VPS13B: variants seen among roughly 807,000 people sequenced by gnomAD.
VPS13B encodes intermembrane lipid transfer protein VPS13B.
A neutral mutation model predicts 426.4 loss-of-function variants in VPS13B; 285 were observed. That is an observed-to-expected ratio of 0.67 (90% CI 0.61 to 0.74). The LOEUF (loss-of-function observed/expected upper bound fraction) is 0.74. VPS13B is among the 30% of genes least tolerant of loss of function. VPS13B has a pLI of 0.00. For missense variants in VPS13B, 4,537 were observed against 4,782.6 expected, an observed-to-expected ratio of 0.95 and a Z score of 1.51; for synonymous variants, 1,676 against 1,676.4, an observed-to-expected ratio of 1.00 and a Z score of 0.01.
chr8:99,380,890 T>A (rs3134175), intron 19 of VPS13B, among the ~76,000 whole-genome samples: 36,417 of 146,174 alleles, frequency 0.25, 4,703 homozygotes, highest in East Asian at 0.39. Context: ...TTTTTTTTTT[T>A]AAAAAAAAAA....
At chr8:99,489,831 C>G (rs1820505499) in intron 25 of VPS13B, among the ~76,000 whole-genome samples, 1 of 152,170 alleles carries the variant, frequency 6.6e-6, no homozygotes, top group Non-Finnish European at 1.5e-5. Context: ...TCTAAATATA[C>G]AGTCATGTCA....
chr8:99,103,474 C>T (rs575685557), intron 5 of VPS13B, among the ~76,000 whole-genome samples: 1 of 144,648 alleles, frequency 6.9e-6, no homozygotes, highest in African/African-American at 2.6e-5. Flanking sequence ...AGACTACAGG[C>T]ACATGCTGCT....
At chr8:99,699,378 G>A in intron 35 of VPS13B, 147 bp from the exon 36 acceptor site, 1 of 817,212 alleles carries the variant, frequency 1.2e-6, no homozygotes, top group Non-Finnish European at 1.9e-6. Context: ...GTTAAGTGAT[G>A]AGTAAGAGAT....
At chr8:99,390,667 T>C (rs1814392682) in intron 20 of VPS13B, among the ~76,000 whole-genome samples, 1 of 152,212 alleles carries the variant, frequency 6.6e-6, no homozygotes, top group South Asian at 2.1e-4. Flanking sequence ...AGATTCACCA[T>C]CTGATACAGC....
At chr8:99,693,808 G>T (rs112802031) in intron 35 of VPS13B, among the ~76,000 whole-genome samples, 1 of 150,572 alleles carries the variant, frequency 6.6e-6, no homozygotes, top group Middle Eastern at 3.4e-3. Flanking sequence ...CATCGTCTCA[G>T]CCCCAAATCT....
chr8:99,598,536 A>G (rs533200437), intron 33 of VPS13B, among the ~76,000 whole-genome samples: 39 of 152,174 alleles, frequency 2.6e-4, no homozygotes, highest in African/African-American at 7.9e-4. Context: ...AGACTAACAC[A>G]TGCTCATTTT....
At chr8:99,802,495 C>A (rs1410432134) in intron 43 of VPS13B, among the ~76,000 whole-genome samples, 1 of 151,980 alleles carries the variant, frequency 6.6e-6, no homozygotes, top group African/African-American at 2.4e-5. Flanking sequence ...CCAAATAAGA[C>A]ATAGTTGTAA....
At position 99,096,319 on chromosome 8, in the gene VPS13B, A is replaced by G. The variant is rs777667227; in HGVS notation, c.299A>G (p.His100Arg). The change falls in exon 4 of 62, where the codon CAT becomes CGT. Residue 100 changes from histidine to arginine, a missense_variant. By Grantham distance (29) the His-to-Arg change is conservative. This residue lies in a region of VPS13B where 226 missense variants were observed against 308.3 expected (regional missense o/e 0.73). Transcript: ENST00000357162. ...TCTTTAAAATAAAAATAGGATGACC[A>G]TGAAAGCTGTGGTTCTAATTCTACC... is the stretch of plus-strand genomic sequence containing the variant. ...LKLKDGIQDD[H>R]ESCGSNSTNR... is the part of the protein sequence containing the mutation. 1.1e-5 allele frequency: 17 copies of G among 1,614,092 alleles called. No individual in the cohort carries two copies. In the South Asian group the frequency reaches 1.1e-4, roughly 10 times the overall value.
chr8:99,089,011 A>G (rs547915042), intron 3 of VPS13B, among the ~76,000 whole-genome samples: 1 of 152,326 alleles, frequency 6.6e-6, no homozygotes, highest in South Asian at 2.1e-4. Flanking sequence ...AGGAAAGGTT[A>G]GGTTGGATAG....
In VPS13B at chr8:99,471,732, C is replaced by G. The variant is rs368573036; in HGVS notation, c.3666+4098C>G. Among the ~76,000 whole-genome samples the G allele has an allele frequency of 4.6e-5, 7 of 152,170 alleles. No homozygotes were observed. In the East Asian group the frequency reaches 9.7e-4, roughly 21 times the overall value. ...AATCTGCAAACTAATGCCCATAGGC[C>G]AAATTTGCCCACACTCCTTTTTTAC... On this transcript the variant is annotated intron_variant, in intron 24 of 61. Transcript: ENST00000357162.
intron 19 of VPS13B, among the ~76,000 whole-genome samples, chr8:99,378,859 A>T (rs1813640508): frequency 6.6e-6 from 1 of 152,192 alleles, no homozygotes; most frequent in Non-Finnish European, 1.5e-5. Context: ...TGGGTGTCAC[A>T]TAACAATGAA....
At chr8:99,061,535 G>T (rs1286320189) in intron 3 of VPS13B, among the ~76,000 whole-genome samples, 5 of 151,418 alleles carry the variant, frequency 3.3e-5, no homozygotes, top group African/African-American at 1.2e-4. Flanking sequence ...ATATTTTACT[G>T]GTCCCATCTG....
chr8:99,630,590 C>T (rs1440702360), intron 33 of VPS13B, among the ~76,000 whole-genome samples: 1 of 151,686 alleles, frequency 6.6e-6, no homozygotes. Flanking sequence ...TCCCTCCCTC[C>T]CTCCTTCTTT....
At chr8:99,763,390 C>G (rs1811048429) in intron 39 of VPS13B, among the ~76,000 whole-genome samples, 1 of 152,130 alleles carries the variant, frequency 6.6e-6, no homozygotes, top group South Asian at 2.1e-4. Context: ...GCTGTATTCA[C>G]TATCCCAGGT....
intron 21 of VPS13B, among the ~76,000 whole-genome samples, chr8:99,398,850 G>T (rs535827954): frequency 6.7e-6 from 1 of 149,590 alleles, no homozygotes; most frequent in East Asian, 1.9e-4. Flanking sequence ...GAGAATCTAA[G>T]AGATCAAAAA....
intron 44 of VPS13B, among the ~76,000 whole-genome samples, chr8:99,815,237 G>C (rs1813956651): frequency 6.6e-6 from 1 of 152,020 alleles, no homozygotes; most frequent in Non-Finnish European, 1.5e-5. Context: ...TGCAGACCCA[G>C]GAGAGCCAAT....
intron 33 of VPS13B, among the ~76,000 whole-genome samples, chr8:99,578,070 A>G (rs1316796342): frequency 6.6e-6 from 1 of 152,190 alleles, no homozygotes; most frequent in African/African-American, 2.4e-5. Context: ...TGGGAAATGA[A>G]TGGACACAAT....
chr8:99,516,730 G>A (rs995810965), intron 29 of VPS13B, among the ~76,000 whole-genome samples: 2 of 134,242 alleles, frequency 1.5e-5, no homozygotes, highest in Non-Finnish European at 1.6e-5. Flanking sequence ...CAGGGCTTCA[G>A]TGAGTTGTGG....
At chr8:99,360,338 C>T (rs1445644441) in intron 19 of VPS13B, among the ~76,000 whole-genome samples, 1 of 149,452 alleles carries the variant, frequency 6.7e-6, no homozygotes, top group African/African-American at 2.5e-5. Context: ...AGTGCAGTGG[C>T]ACGATCTCAG....
Sources: allele counts gnomAD v4.1 joint callset (sites outside exome capture counted in the v4.1 genomes callset), GRCh38; gene constraint gnomAD v4.1.1; regional missense constraint gnomAD v4.1.1; transcripts MANE v1.5; gene names NCBI Gene and HGNC (gene_info 2026-07-23, HGNC 2026-07-21).